MFHAS1: variants seen among roughly 807,000 people sequenced by gnomAD.
The protein encoded by MFHAS1 is multifunctional ROCO family signaling regulator 1.
In MFHAS1, 50 loss-of-function variants were observed where a neutral mutation model predicts 70.4. The observed-to-expected ratio is 0.71, with a 90% CI of 0.57 to 0.90. The LOEUF is 0.90. MFHAS1 is among the 40% of genes least tolerant of loss of function. The probability of loss-of-function intolerance (pLI) is 0.00; values close to 1 mark genes in which losing one functional copy is unlikely to be tolerated. For missense variants in MFHAS1, 1,795 were observed against 1,347.6 expected (o/e 1.33, Z -5.20); for synonymous variants, 952 against 620.0 (o/e 1.54, Z -7.96).
chr8:8,792,011 G>T (rs530755511), intron 2 of MFHAS1, among the ~76,000 whole-genome samples: 2 of 152,280 alleles, frequency 1.3e-5, no homozygotes, highest in South Asian at 4.1e-4. Flanking sequence ...GGAGGCCGAG[G>T]CAGGCGGATC....
chr8:8,860,939 C>A (rs1808637127), intron 1 of MFHAS1, among the ~76,000 whole-genome samples: 2 of 152,126 alleles, frequency 1.3e-5, no homozygotes, highest in Non-Finnish European at 2.9e-5. Context: ...ACTATGAAAG[C>A]CCAAATACCT....
chr8:8,871,532 A>T (rs1212911500), intron 1 of MFHAS1, among the ~76,000 whole-genome samples: 1 of 152,242 alleles, frequency 6.6e-6, no homozygotes, highest in African/African-American at 2.4e-5. Context: ...CCTGGGCAAC[A>T]GAGTGATCAC....
chr8:8,891,634 C>A lies in MFHAS1; in HGVS notation c.1425G>T (p.Val475=), dbSNP rs772599854. Residue 475 remains valine, a synonymous_variant, in exon 1 of 3, where the codon GTG becomes GTT. Transcript: ENST00000276282. The surrounding 1 kb of genome is among the most constrained non-coding windows in gnomAD (Gnocchi z 5.4). ...ADASRGLRFI[V]YDLAGDESYE... ...AACTTTCATCCCCAGCTAAGTCATA[C>A]ACGATGAACCGCAGGCCCCGGGAGG... The A allele has an allele frequency of 3.7e-6, 6 of 1,613,652 alleles. No individual in the cohort carries two copies. The South Asian group carries it at 4.4e-5, about 12-fold the overall frequency.
intron 1 of MFHAS1, among the ~76,000 whole-genome samples, chr8:8,858,106 C>G (rs1002665222): frequency 2.6e-4 from 39 of 152,210 alleles, no homozygotes; most frequent in African/African-American, 8.9e-4. Context: ...AAAGCAACAG[C>G]CATCTGTCTA....
At chr8:8,843,789 C>A (rs891517827) in intron 1 of MFHAS1, among the ~76,000 whole-genome samples, 6 of 152,134 alleles carry the variant, frequency 3.9e-5, no homozygotes, top group Non-Finnish European at 8.8e-5. Context: ...ATCTTACAGG[C>A]TGGAAAAGGA....
chr8:8,842,035 T>C (rs984406636), intron 1 of MFHAS1, among the ~76,000 whole-genome samples: 6 of 152,182 alleles, frequency 3.9e-5, no homozygotes, highest in Admixed American at 3.3e-4. Flanking sequence ...AGCCAAGCAA[T>C]GTGGGAGGCT....
At position 8,797,318 on chromosome 8, in the gene MFHAS1, G is replaced by C. The variant is rs564627557; in HGVS notation, c.3125+47C>G. 6.2e-6 allele frequency: 10 copies of C among 1,607,194 alleles called. No individual in the cohort carries two copies. In the African/African-American group the frequency reaches 6.7e-5, roughly 11 times the overall value. On this transcript the variant is annotated intron_variant, in intron 2 of 2. Transcript: ENST00000276282. ...TTTTTGTGGTCATATCTATGGAGCT[G>C]GGATCAGGAGCCAGGTCCCGGGGCC...
intron 1 of MFHAS1, among the ~76,000 whole-genome samples, chr8:8,879,715 A>G (rs947937911): frequency 6.6e-6 from 1 of 152,210 alleles, no homozygotes; most frequent in African/African-American, 2.4e-5. Context: ...ATTTACAAGA[A>G]TCAACAATGA....
At chr8:8,848,245 C>A (rs1563202347) in intron 1 of MFHAS1, among the ~76,000 whole-genome samples, 1 of 152,176 alleles carries the variant, frequency 6.6e-6, no homozygotes, top group South Asian at 2.1e-4. Flanking sequence ...TCTCTTTAAT[C>A]ATTTCTCCAA....
At chr8:8,861,597 T>C (rs1435309520) in intron 1 of MFHAS1, among the ~76,000 whole-genome samples, 2 of 152,230 alleles carry the variant, frequency 1.3e-5, no homozygotes, top group Non-Finnish European at 2.9e-5. Context: ...GCATTTTACG[T>C]GTAATAAAAT....
chr8:8,857,767 A>C (rs1254456737), intron 1 of MFHAS1, among the ~76,000 whole-genome samples: 1 of 151,818 alleles, frequency 6.6e-6, no homozygotes, highest in Non-Finnish European at 1.5e-5. Flanking sequence ...CTCAAAAAAA[A>C]AACAAAAAAA....
chr8:8,828,966 G>C (rs942314598), intron 1 of MFHAS1, among the ~76,000 whole-genome samples: 1 of 152,042 alleles, frequency 6.6e-6, no homozygotes, highest in East Asian at 1.9e-4. Context: ...TCCCTCTTCC[G>C]GCCCGTTACT....
At chr8:8,804,176 G>A (rs1806194543) in intron 1 of MFHAS1, among the ~76,000 whole-genome samples, 1 of 152,044 alleles carries the variant, frequency 6.6e-6, no homozygotes, top group Admixed American at 6.6e-5. Flanking sequence ...ATATCCTAAG[G>A]TATGGTTCCA....
intron 1 of MFHAS1, among the ~76,000 whole-genome samples, chr8:8,878,179 C>G (rs566368393): frequency 6.6e-6 from 1 of 152,272 alleles, no homozygotes; most frequent in Non-Finnish European, 1.5e-5. Flanking sequence ...ACCAGACTGT[C>G]TGCCCAGAAC....
At position 8,784,853 on chromosome 8, in the gene MFHAS1, A is replaced by G. The variant is rs1444255128; in HGVS notation, c.*1169T>C. 21 of 152,210 alleles carry G rather than the reference A, an allele frequency of 1.4e-4. No individual in the cohort carries two copies. Among genetic ancestry groups the G allele is most frequent in the Non-Finnish European group, 5.9e-5 (4 of 68,040 alleles). The allele number at this position is 152,210 out of a possible 1,614,324, so 9.4% of individuals were successfully genotyped here. ...AGCAATTTGTTTGGTTGGCTTTTTA[A>G]GTTTTACCTTGTGAAGATTTTAAAA... is the stretch of plus-strand genomic sequence containing the variant. On this transcript the variant is annotated 3_prime_UTR_variant, in exon 3 of 3. Transcript: ENST00000276282.
At chr8:8,866,126 A>G (rs1808848411) in intron 1 of MFHAS1, among the ~76,000 whole-genome samples, 1 of 152,162 alleles carries the variant, frequency 6.6e-6, no homozygotes, top group Non-Finnish European at 1.5e-5. Flanking sequence ...TCTAAGCAGG[A>G]AGAATACAGA....
chr8:8,818,882 C>T (rs1806842337), intron 1 of MFHAS1, among the ~76,000 whole-genome samples: 1 of 152,214 alleles, frequency 6.6e-6, no homozygotes, highest in Non-Finnish European at 1.5e-5. Context: ...ATATCTAGCA[C>T]TTTCACATGT....
intron 1 of MFHAS1, among the ~76,000 whole-genome samples, chr8:8,873,011 G>A (rs1027781084): frequency 6.6e-6 from 1 of 152,166 alleles, no homozygotes; most frequent in African/African-American, 2.4e-5. Context: ...TGTCAGGGAA[G>A]GGGACAGATG....
intron 1 of MFHAS1, among the ~76,000 whole-genome samples, chr8:8,867,562 A>ATT (rs1442740433): frequency 2.0e-5 from 3 of 151,436 alleles, no homozygotes; most frequent in Non-Finnish European, 2.9e-5. Context: ...AAATTGCTAT[A>ATT]CTTTTTTTTT....
Sources: gnomAD v4.1 joint callset for allele counts (sites outside exome capture counted in the v4.1 genomes callset) on GRCh38, gnomAD v4.1.1 for gene constraint, Gnocchi (gnomAD v3.1) non-coding constraint, MANE v1.5 for transcripts, NCBI Gene and HGNC (gene_info 2026-07-23, HGNC 2026-07-21) for gene names.